The following CHD7 variants were observed in gnomAD, a reference collection of about 807,000 sequenced individuals.
CHD7 encodes chromodomain helicase DNA binding protein 7, also known as ATP-dependent chromatin remodeler CHD7.
CHD7 carries 24 observed loss-of-function variants against 307.3 expected under a neutral mutation model. The ratio of observed to expected loss-of-function variants is 0.08; its 90% confidence interval spans 0.06 to 0.11. The LOEUF is 0.11. Among genes scored for constraint, CHD7 ranks in the 10% least tolerant of loss-of-function variants. The pLI is 1.00. For synonymous variants in CHD7, 1,363 were observed against 1,349.9 expected, an observed-to-expected ratio of 1.01 and a Z score of -0.21; for missense variants, 3,106 against 3,727.1, an observed-to-expected ratio of 0.83 and a Z score of 4.34.
At chr8:60,684,584 C>T (rs1040634798) in intron 1 of CHD7, among the ~76,000 whole-genome samples, 1 of 152,104 alleles carries the variant, frequency 6.6e-6, no homozygotes, top group South Asian at 2.1e-4. Flanking sequence ...GCATTACCAT[C>T]TGAATGATGG....
chr8:60,740,117 A>G (rs1184438199), intron 1 of CHD7, among the ~76,000 whole-genome samples: 8 of 152,214 alleles, frequency 5.3e-5, no homozygotes, highest in Admixed American at 5.2e-4. Context: ...TTTTAATCTG[A>G]CACAGGATCT....
At chr8:60,773,881 G>A (rs569738204) in intron 2 of CHD7, among the ~76,000 whole-genome samples, 6 of 152,166 alleles carry the variant, frequency 3.9e-5, no homozygotes, top group African/African-American at 1.2e-4. Context: ...TGGGTAAAAG[G>A]TTAGTGATTC....
chr8:60,735,847 C>T (rs79645873), intron 1 of CHD7, among the ~76,000 whole-genome samples: 1 of 152,350 alleles, frequency 6.6e-6, no homozygotes, highest in African/African-American at 2.4e-5. Context: ...ATTATAGGCA[C>T]TGTCGAGTAG....
chr8:60,765,949 G>A (rs1329781809), intron 2 of CHD7, among the ~76,000 whole-genome samples: 2 of 152,208 alleles, frequency 1.3e-5, no homozygotes, highest in Non-Finnish European at 2.9e-5. Flanking sequence ...GGACAGACGA[G>A]GGAAGAATGG....
At position 60,801,388 on chromosome 8, in the gene CHD7, A is replaced by G. The variant is rs1812302893; in HGVS notation, c.2377-140A>G. 25 of 618,834 alleles carry G rather than the reference A, an allele frequency of 4.0e-5. No individual in the cohort carries two copies. In the South Asian group the frequency reaches 5.4e-4, roughly 13 times the overall value. The allele number at this position is 618,834 out of a possible 1,614,324, so 38.3% of individuals were successfully genotyped here. A position where few individuals can be genotyped will look rare whatever the true frequency, so the allele number is the denominator to read the frequency against. On this transcript the variant is annotated intron_variant, in intron 5 of 37. Transcript: ENST00000423902. ...GTAGAGTGAGATTTTTGTTCCTTTC[A>G]ATCGTGTTTCTCACTGATAACTTTG... is the stretch of plus-strand genomic sequence containing the variant.
At chr8:60,783,888 C>A (rs1015156137) in intron 3 of CHD7, among the ~76,000 whole-genome samples, 1 of 152,126 alleles carries the variant, frequency 6.6e-6, no homozygotes, top group African/African-American at 2.4e-5. Flanking sequence ...CCTGAACTTC[C>A]CTGTTGTTGA....
intron 34 of CHD7, among the ~76,000 whole-genome samples, chr8:60,860,029 C>T (rs1805896253): frequency 6.6e-6 from 1 of 152,012 alleles, no homozygotes; most frequent in Non-Finnish European, 1.5e-5. Flanking sequence ...TGACAAAAGC[C>T]TGGGCCATGG....
At chr8:60,744,926 G>A (rs568131141) in intron 2 of CHD7, among the ~76,000 whole-genome samples, 2 of 149,654 alleles carry the variant, frequency 1.3e-5, no homozygotes, top group African/African-American at 4.9e-5. Context: ...CTGAAGCTTC[G>A]TCCTAAGCTG....
chr8:60,824,324 C>T, intron 13 of CHD7: 1 of 394,064 alleles, frequency 2.5e-6, no homozygotes, highest in East Asian at 3.6e-5. Context: ...ATACAAAAAT[C>T]CCAGAATCCA....
Position 60,845,240 on chromosome 8 carries a change from G to C in CHD7, c.5051-10G>C. 1.2e-6 allele frequency: 2 copies of C among 1,602,944 alleles called. No homozygotes were observed. Among genetic ancestry groups the C allele is most frequent in the Non-Finnish European group, 1.7e-6 (2 of 1,172,908 alleles). ...AAAGGCTTCTATTATTATTATGATG[G>C]TGATTCTAGGTTTGTCAGCTCCTGT... On this transcript the variant is annotated splice_polypyrimidine_tract_variant and intron_variant, in intron 22 of 37. Coordinates refer to ENST00000423902, the MANE Select transcript of CHD7 (RefSeq NM_017780.4).
intron 33 of CHD7, 113 bp from the exon 34 acceptor site, chr8:60,856,332 A>T: frequency 8.0e-7 from 1 of 1,248,486 alleles, no homozygotes; most frequent in Middle Eastern, 2.3e-4. Flanking sequence ...TCTGTGCACC[A>T]GTCATGAATG....
chr8:60,742,973 G>C lies in CHD7; in HGVS notation c.1541G>C (p.Cys514Ser), dbSNP rs748754045. The part of the protein sequence containing the change: ...QQPSFQQLPT[C>S]PPLQPHPGLH... ...CCATCTTTTCAGCAGTTGCCAACCTGTCCTCCACTGCAGCCTCACCCGGGC... is the reference window on the plus strand; with the variant it reads ...CCATCTTTTCAGCAGTTGCCAACCTCTCCTCCACTGCAGCCTCACCCGGGC... Residue 514 changes from cysteine to serine, a missense_variant, in exon 2 of 38, where the codon TGT becomes TCT. Physicochemically the swap from Cys to Ser is moderately radical, Grantham distance 112. Coordinates refer to ENST00000423902, the MANE Select transcript of CHD7 (RefSeq NM_017780.4). 2 of 1,613,570 alleles carry C rather than the reference G, an allele frequency of 1.2e-6. No homozygotes were observed. The highest frequency in any genetic ancestry group is 4.5e-5 in the East Asian group (2 of 44,870).
chr8:60,855,864 C>T, intron 32 of CHD7, 111 bp from the exon 33 acceptor site: 2 of 687,184 alleles, frequency 2.9e-6, no homozygotes, highest in South Asian at 1.9e-5. Flanking sequence ...TTTTGTCCTC[C>T]AGTTGACTTT....
chr8:60,759,814 A>G (rs1051638950), intron 2 of CHD7, among the ~76,000 whole-genome samples: 1 of 152,222 alleles, frequency 6.6e-6, no homozygotes, highest in Non-Finnish European at 1.5e-5. Context: ...TTGAGAACGG[A>G]GGACAGCTAT....
chr8:60,686,278 G>C (rs1050804221), intron 1 of CHD7, among the ~76,000 whole-genome samples: 1 of 151,824 alleles, frequency 6.6e-6, no homozygotes, highest in Non-Finnish European at 1.5e-5. Context: ...TTCAGCTTCA[G>C]ATGGGCTTGT....
intron 24 of CHD7, 141 bp downstream of exon 24, chr8:60,848,745 T>C: frequency 1.4e-6 from 1 of 725,846 alleles, no homozygotes; most frequent in Middle Eastern, 2.8e-4. Flanking sequence ...GTATTTGTCC[T>C]TCGTGCTTGG....
rs773957123 is a variant in CHD7 at position 60,845,369 on chromosome 8, G to C, written c.5170G>C (p.Glu1724Gln). 11 of 1,614,020 alleles carry C rather than the reference G, an allele frequency of 6.8e-6. No individual in the cohort carries two copies. Among genetic ancestry groups the C allele is most frequent in the Non-Finnish European group, 9.3e-6 (11 of 1,179,894 alleles). ...ASCNPDALFQ[E>Q]DSYKKHLKHH... ...CTGCAACCCAGATGCCCTGTTCCAG[G>C]AGGACAGCTACAAGAAACACCTGAA... The change falls in exon 23 of 38, where the codon GAG (glutamate) becomes CAG (glutamine). Residue 1724 changes from glutamate to glutamine, a missense_variant. By Grantham distance (29) the Glu-to-Gln change is conservative. This residue lies in a region of CHD7 where 1,030 missense variants were observed against 1,165.4 expected (regional missense o/e 0.88). Transcript: ENST00000423902.
chr8:60,790,685 G>C (rs183889105), intron 3 of CHD7, among the ~76,000 whole-genome samples: 34 of 152,264 alleles, frequency 2.2e-4, no homozygotes, highest in African/African-American at 6.7e-4. Flanking sequence ...TAACCTACCA[G>C]AGTAGGCTCT....
At chr8:60,832,396 T>C (rs1804558423) in intron 15 of CHD7, among the ~76,000 whole-genome samples, 1 of 152,192 alleles carries the variant, frequency 6.6e-6, no homozygotes, top group Non-Finnish European at 1.5e-5. Flanking sequence ...ATGTATCTGA[T>C]ACTGCCAATC....
Sources: gnomAD v4.1 joint callset for allele counts (sites outside exome capture counted in the v4.1 genomes callset) on GRCh38, gnomAD v4.1.1 for gene constraint, gnomAD v4.1.1 regional missense constraint, MANE v1.5 for transcripts, NCBI Gene and HGNC (gene_info 2026-07-23, HGNC 2026-07-21) for gene names.